Variants in LUZP2 observed in about 807,000 individuals in gnomAD.
LUZP2 encodes leucine zipper protein 2.
LUZP2 carries 52 observed loss-of-function variants against 51.6 expected under a neutral mutation model. The ratio of observed to expected loss-of-function variants is 1.01; its 90% CI spans 0.81 to 1.27. The LOEUF (loss-of-function observed/expected upper bound fraction) is 1.27. Among genes scored for constraint, LUZP2 ranks in the 50% most tolerant of loss-of-function variants. The pLI is 0.00. For synonymous variants in LUZP2, 154 were observed against 137.3 expected, an observed-to-expected ratio of 1.12 and a Z score of -0.85; for missense variants, 436 against 395.4, an observed-to-expected ratio of 1.10 and a Z score of -0.87.
intron 5 of LUZP2, among the ~76,000 whole-genome samples, chr11:24,818,561 A>C (rs1252431624): frequency 6.6e-6 from 1 of 152,122 alleles, no homozygotes; most frequent in East Asian, 1.9e-4. Context: ...GGAGGCTTTA[A>C]ACTTTCAATT....
intron 1 of LUZP2, among the ~76,000 whole-genome samples, chr11:24,633,964 G>GTATATA (rs1554966093): frequency 3.0e-4 from 45 of 149,244 alleles, no homozygotes; most frequent in South Asian, 1.5e-3. Context: ...GTGTGTGTGT[G>GTATATA]TATATATAGT....
chr11:24,529,310 T>C (rs1027421573), intron 1 of LUZP2, among the ~76,000 whole-genome samples: 5 of 151,012 alleles, frequency 3.3e-5, no homozygotes, highest in African/African-American at 1.2e-4. Context: ...CATGTATATA[T>C]TGTCTTCATC....
At chr11:25,062,438 T>A (rs147771801) in intron 10 of LUZP2, among the ~76,000 whole-genome samples, 53,616 of 146,684 alleles carry the variant, frequency 0.37, 12,464 homozygotes, top group East Asian at 0.77. Flanking sequence ...TAAAAAAATA[T>A]ATATATCTGC....
chr11:24,507,468 A>G (rs751916196), intron 1 of LUZP2, among the ~76,000 whole-genome samples: 7 of 152,122 alleles, frequency 4.6e-5, no homozygotes, highest in Non-Finnish European at 1.0e-4. Context: ...AATGAAAATA[A>G]TTATCCGCCT....
At chr11:24,665,603 G>A (rs1330820307) in intron 1 of LUZP2, among the ~76,000 whole-genome samples, 2 of 152,086 alleles carry the variant, frequency 1.3e-5, no homozygotes, top group South Asian at 2.1e-4. Flanking sequence ...AATCATGGGG[G>A]CATTTCCCCC....
intron 10 of LUZP2, among the ~76,000 whole-genome samples, chr11:25,052,461 A>G (rs1025731140): frequency 6.6e-6 from 1 of 152,182 alleles, no homozygotes; most frequent in Non-Finnish European, 1.5e-5. Flanking sequence ...TCAAATATGT[A>G]GGTCATTTTT....
intron 1 of LUZP2, among the ~76,000 whole-genome samples, chr11:24,589,768 C>A (rs1308222478): frequency 1.3e-5 from 2 of 152,054 alleles, no homozygotes; most frequent in Non-Finnish European, 2.9e-5. Context: ...CTGATTCTGA[C>A]CTTGACCTGT....
chr11:25,068,241 C>A (rs991651590), intron 10 of LUZP2, among the ~76,000 whole-genome samples: 1 of 151,852 alleles, frequency 6.6e-6, no homozygotes, highest in South Asian at 2.1e-4. Context: ...GTGCAGCAAA[C>A]CACAATGGCA....
intron 1 of LUZP2, among the ~76,000 whole-genome samples, chr11:24,595,381 A>C (rs184213435): frequency 6.6e-6 from 1 of 152,250 alleles, no homozygotes; most frequent in Admixed American, 6.5e-5. Context: ...ACTAATTGGT[A>C]TTGGGACATG....
chr11:24,894,865 AC>A (rs1852985412), intron 5 of LUZP2, among the ~76,000 whole-genome samples: 1 of 152,180 alleles, frequency 6.6e-6, no homozygotes, highest in African/African-American at 2.4e-5. Flanking sequence ...TAGGGAGATC[AC>A]AAAAAACTTT....
intron 7 of LUZP2, among the ~76,000 whole-genome samples, chr11:24,927,999 A>G (rs138872436): frequency 1.8e-3 from 275 of 151,892 alleles, no homozygotes; most frequent in African/African-American, 6.4e-3. Context: ...TCTTGCAGCT[A>G]TTGTAAAAAA....
intron 5 of LUZP2, among the ~76,000 whole-genome samples, chr11:24,875,515 G>C (rs1362469520): frequency 7.0e-6 from 1 of 142,252 alleles, no homozygotes; most frequent in Non-Finnish European, 1.5e-5. Context: ...TTGGACATTT[G>C]GGTTGGTTCC....
intron 1 of LUZP2, among the ~76,000 whole-genome samples, chr11:24,705,964 C>T (rs775473969): frequency 6.6e-6 from 1 of 150,568 alleles, no homozygotes; most frequent in African/African-American, 2.4e-5. Flanking sequence ...TCTGAAGCTT[C>T]TCCCTGCCTA....
intron 1 of LUZP2, among the ~76,000 whole-genome samples, chr11:24,529,068 T>C (rs1850911519): frequency 6.6e-6 from 1 of 151,012 alleles, no homozygotes; most frequent in South Asian, 2.1e-4. Flanking sequence ...AGGCACTTGC[T>C]GTCCTTTAAT....
chr11:25,029,774 A>G (rs1425453055), intron 9 of LUZP2, among the ~76,000 whole-genome samples: 2 of 143,540 alleles, frequency 1.4e-5, no homozygotes, highest in Admixed American at 7.0e-5. Flanking sequence ...TCAAGAAGGA[A>G]AAAAGTACCT....
At chr11:25,003,412 G>A (rs11028333) in intron 9 of LUZP2, among the ~76,000 whole-genome samples, 58,904 of 152,086 alleles carry the variant, frequency 0.39, 14,034 homozygotes, top group East Asian at 0.87. Context: ...GTCCAGAACT[G>A]TGAACCATTC....
intron 1 of LUZP2, among the ~76,000 whole-genome samples, chr11:24,712,608 G>A (rs1857878550): frequency 6.6e-6 from 1 of 152,076 alleles, no homozygotes; most frequent in Non-Finnish European, 1.5e-5. Flanking sequence ...CAGATATGGA[G>A]GGTGATCAAA....
At chr11:24,593,311 T>G (rs1026052955) in intron 1 of LUZP2, among the ~76,000 whole-genome samples, 2 of 152,190 alleles carry the variant, frequency 1.3e-5, no homozygotes, top group Non-Finnish European at 2.9e-5. Context: ...TTATTCCTGT[T>G]GTCTTTAGCT....
chr11:24,599,661 T>G (rs1204588350), intron 1 of LUZP2, among the ~76,000 whole-genome samples: 1 of 152,188 alleles, frequency 6.6e-6, no homozygotes, highest in Non-Finnish European at 1.5e-5. Context: ...TTTATTGTCT[T>G]TTCTTTCTCC....
Sources: allele counts gnomAD v4.1 joint callset (sites outside exome capture counted in the v4.1 genomes callset), GRCh38; gene constraint gnomAD v4.1.1; transcripts MANE v1.5; gene names NCBI Gene and HGNC (gene_info 2026-07-23, HGNC 2026-07-21).